LRBA: variants seen among roughly 807,000 people sequenced by gnomAD.
The protein encoded by LRBA is lipopolysaccharide-responsive and beige-like anchor protein.
Under a neutral mutation model 330.0 loss-of-function variants are expected in LRBA, and 176 were observed. The observed-to-expected ratio is 0.53, with a 90% confidence interval of 0.47 to 0.60. The LOEUF (loss-of-function observed/expected upper bound fraction) is 0.60. Ranked by LOEUF, LRBA falls within the 20% of genes least tolerant of loss-of-function variation. LRBA has a pLI of 0.00. For missense variants in LRBA, 3,259 were observed against 3,444.8 expected, an observed-to-expected ratio of 0.95 and a Z score of 1.35; for synonymous variants, 1,230 against 1,193.0, an observed-to-expected ratio of 1.03 and a Z score of -0.64.
chr4:150,808,604 A>C (rs1207925176), intron 31 of LRBA, among the ~76,000 whole-genome samples: 1 of 152,254 alleles, frequency 6.6e-6, no homozygotes, highest in Admixed American at 6.5e-5. Context: ...ATCATGCCAG[A>C]GCAATCTTTC....
At chr4:150,300,195 T>TTCA (rs1230165024) in intron 53 of LRBA, among the ~76,000 whole-genome samples, 1 of 152,088 alleles carries the variant, frequency 6.6e-6, no homozygotes, top group Non-Finnish European at 1.5e-5. Context: ...TTCTCCTGGA[T>TTCA]TCATCTTTCA....
chr4:150,802,180 A>C (rs2126688094), intron 33 of LRBA, among the ~76,000 whole-genome samples: 1 of 145,536 alleles, frequency 6.9e-6, no homozygotes, highest in South Asian at 2.5e-4. Flanking sequence ...TGATCACACC[A>C]TTGCACTCCA....
chr4:150,303,357 G>T (rs1332844583), intron 52 of LRBA, among the ~76,000 whole-genome samples: 1 of 152,110 alleles, frequency 6.6e-6, no homozygotes, highest in African/African-American at 2.4e-5. Flanking sequence ...TATGATGAAA[G>T]AACTAATATA....
chr4:150,389,676 CAAAAA>C (rs34170088), intron 47 of LRBA, among the ~76,000 whole-genome samples: 181 of 80,066 alleles, frequency 2.3e-3, no homozygotes, highest in African/African-American at 8.6e-3. Context: ...GACTCTGTCT[CAAAAA>C]AAAAAAAAAA....
At chr4:150,316,814 A>T (rs1316075691) in intron 50 of LRBA, among the ~76,000 whole-genome samples, 3 of 152,124 alleles carry the variant, frequency 2.0e-5, no homozygotes, top group Non-Finnish European at 2.9e-5. Context: ...CACACTCAAA[A>T]GGGGAGTGTG....
intron 37 of LRBA, among the ~76,000 whole-genome samples, chr4:150,667,694 T>C (rs891980404): frequency 2.0e-5 from 3 of 152,272 alleles, no homozygotes; most frequent in African/African-American, 7.2e-5. Flanking sequence ...CCCAGAGAAC[T>C]CTCTAGCTCT....
intron 35 of LRBA, among the ~76,000 whole-genome samples, chr4:150,738,690 C>A (rs192780456): frequency 6.6e-6 from 1 of 152,188 alleles, no homozygotes; most frequent in Non-Finnish European, 1.5e-5. Flanking sequence ...TTATAAGTTT[C>A]TTGTGTCATA....
chr4:150,452,219 T>A (rs1753429871), intron 44 of LRBA, among the ~76,000 whole-genome samples: 1 of 152,074 alleles, frequency 6.6e-6, no homozygotes, highest in East Asian at 1.9e-4. Context: ...CACAATCTGG[T>A]TTATCACAGA....
intron 40 of LRBA, 145 bp downstream of exon 40, chr4:150,587,898 ATAAAC>A (rs898955190): frequency 2.7e-6 from 2 of 728,536 alleles, no homozygotes; most frequent in African/African-American, 3.6e-5. Context: ...GTAGGGAATC[ATAAAC>A]TAAAGAAGAT....
At chr4:150,506,961 T>C (rs1259112875) in intron 40 of LRBA, among the ~76,000 whole-genome samples, 2 of 151,742 alleles carry the variant, frequency 1.3e-5, no homozygotes, top group Admixed American at 1.3e-4. Flanking sequence ...AAATCATGAG[T>C]GAACTCCCAT....
Position 150,792,654 on chromosome 4 carries a change from T to C in LRBA, c.5580+5427A>G, listed in dbSNP as rs550752232. ...CAGAGTAGCTAGGTCTACAGGCACA[T>C]GCTACCAAGTTCAGTTAAATGTTTT... On this transcript the variant is annotated intron_variant, in intron 34 of 56. Coordinates refer to ENST00000651943, the MANE Select transcript of LRBA (RefSeq NM_001364905.1). 3.9e-5 allele frequency among the ~76,000 whole-genome samples: 6 copies of C among 152,268 alleles called. No homozygotes were observed. The South Asian group carries it at 1.2e-3, about 32-fold the overall frequency.
chr4:150,896,535 A>G, intron 15 of LRBA, 79 bp from the exon 16 acceptor site: 1 of 743,798 alleles, frequency 1.3e-6, no homozygotes, highest in East Asian at 2.7e-5. Flanking sequence ...TAGATTTGTC[A>G]AGTTGGTCAG....
At chr4:150,351,817 G>GT (rs914159807) in intron 47 of LRBA, among the ~76,000 whole-genome samples, 13 of 152,276 alleles carry the variant, frequency 8.5e-5, no homozygotes, top group African/African-American at 3.1e-4. Context: ...TATGTACTAT[G>GT]TTTTTTCCTA....
chr4:150,444,232 GTTTTT>G (rs1752291438), intron 44 of LRBA, among the ~76,000 whole-genome samples: 1 of 151,786 alleles, frequency 6.6e-6, no homozygotes, highest in Non-Finnish European at 1.5e-5. Flanking sequence ...TAACTTTTCT[GTTTTT>G]TTCTTTTCTA....
At chr4:150,713,166 G>A (rs941344999) in intron 36 of LRBA, among the ~76,000 whole-genome samples, 1 of 152,000 alleles carries the variant, frequency 6.6e-6, no homozygotes, top group Admixed American at 6.6e-5. Flanking sequence ...AAACTGCTGG[G>A]GTCATGCAAT....
intron 40 of LRBA, among the ~76,000 whole-genome samples, chr4:150,543,749 T>C (rs555734209): frequency 1.3e-5 from 2 of 152,308 alleles, no homozygotes; most frequent in African/African-American, 2.4e-5. Context: ...AGTAAGTATA[T>C]GAGACAATCA....
chr4:150,369,411 C>G (rs1001938020), intron 47 of LRBA, among the ~76,000 whole-genome samples: 1 of 152,092 alleles, frequency 6.6e-6, no homozygotes, highest in Non-Finnish European at 1.5e-5. Flanking sequence ...TGAATTTAAC[C>G]CAGGTTGCCT....
chr4:150,415,510 C>A lies in LRBA; in HGVS notation c.7122G>T (p.Gly2374=). 1 of 1,608,156 alleles carries A rather than the reference C, an allele frequency of 6.2e-7. No homozygotes were observed. Among genetic ancestry groups the A allele is most frequent in the Non-Finnish European group, 8.5e-7 (1 of 1,174,718 alleles). ...GAAGTTCGACATCAGACACTACTGTCCCATCATCCATCACTCCAAGATTAT... is the reference window on the plus strand; with the variant it reads ...GAAGTTCGACATCAGACACTACTGTACCATCATCCATCACTCCAAGATTAT... ...NNYNLGVMDD[G]TVVSDVELPP... The change falls in exon 47 of 57, where the codon GGG becomes GGT. Residue 2374 remains glycine, a synonymous_variant. Coordinates refer to ENST00000651943, the MANE Select transcript of LRBA (RefSeq NM_001364905.1).
chr4:150,854,288 T>A (rs1007858921), intron 22 of LRBA, among the ~76,000 whole-genome samples: 2 of 152,228 alleles, frequency 1.3e-5, no homozygotes, highest in African/African-American at 4.8e-5. Flanking sequence ...TTTTATAATA[T>A]TTCAACAATA....
Sources: allele counts gnomAD v4.1 joint callset (sites outside exome capture counted in the v4.1 genomes callset), GRCh38; gene constraint gnomAD v4.1.1; transcripts MANE v1.5; gene names NCBI Gene and HGNC (gene_info 2026-07-23, HGNC 2026-07-21).